The following ZNF469 variants were observed in gnomAD, a reference collection of about 807,000 sequenced individuals.
ZNF469 encodes the protein zinc finger protein 469.
Under a neutral mutation model 1.0 loss-of-function variants are expected in ZNF469, and 1 was observed. The observed-to-expected ratio is 1.00, with a 90% CI of 0.35 to 4.73. The LOEUF (loss-of-function observed/expected upper bound fraction) is 4.73. Among genes scored for constraint, ZNF469 ranks in the 30% most tolerant of loss-of-function variants. The pLI, the probability that ZNF469 is intolerant of heterozygous loss-of-function variation, is 0.16. For missense variants in ZNF469, 6,100 were observed against 5,356.3 expected, an observed-to-expected ratio of 1.14 and a Z score of -4.33; for synonymous variants, 2,703 against 2,363.4, an observed-to-expected ratio of 1.14 and a Z score of -4.17.
intron 1 of ZNF469, among the ~76,000 whole-genome samples, chr16:88,391,941 ATATGATG>A (rs1904502728): frequency 1.3e-5 from 2 of 152,352 alleles, no homozygotes; most frequent in South Asian, 4.1e-4. Context: ...TAATCTAAAG[ATATGATG>A]TATGACAACC....
At chr16:88,247,250 T>TGAGTGAATGAGC in the ZNF469 span, among the ~76,000 whole-genome samples, 1 of 145,556 alleles carries the variant, frequency 6.9e-6, no homozygotes. Flanking sequence ...GGTGAATGAG[T>TGAGTGAATGAGC]GAAGGAACAA....
Position 88,427,564 on chromosome 16 carries a change from C to T in ZNF469, c.94C>T (p.Gln32Ter). 6.5e-7 allele frequency: 1 copy of T among 1,536,976 alleles called. No homozygotes were observed. The highest frequency in any genetic ancestry group is 8.7e-7 in the Non-Finnish European group (1 of 1,146,356). The change falls in exon 3 of 3, where the codon CAG becomes TAG. Residue 32 changes from glutamine (Q) to a stop codon, truncating the protein, a stop_gained. Transcript: ENST00000565624. LOFTEE classifies it low-confidence loss of function (END_TRUNC). ...TGCCAGCAGCCCGGGGCACCCCTCC[C>T]AGCCGCCACTGGAGGACAACACCCC... The part of the protein sequence containing the change: ...QVASSPGHPS[Q>*]PPLEDNTPAT...
chr16:88,229,581 A>ATGCCACGCGTGTGTG, the ZNF469 span, among the ~76,000 whole-genome samples: 3 of 142,876 alleles, frequency 2.1e-5, no homozygotes, highest in Non-Finnish European at 4.6e-5. Flanking sequence ...TTGTGCGCTG[A>ATGCCACGCGTGTGTG]TGTCACGCGT....
Position 88,429,040 on chromosome 16 carries a change from G to T in ZNF469, c.1570G>T (p.Ala524Ser). 1 of 1,549,796 alleles carries T rather than the reference G, an allele frequency of 6.5e-7. No homozygotes were observed. Among genetic ancestry groups the T allele is most frequent in the Non-Finnish European group, 8.7e-7 (1 of 1,146,844 alleles). ...QGGSQGALGT[A>S]GKTPGPREKL... Reference sequence around the variant, plus strand: ...GGGCAGCCAAGGAGCCCTGGGCACTGCTGGCAAGACACCGGGACCCAGAGA... The same window carrying T: ...GGGCAGCCAAGGAGCCCTGGGCACTTCTGGCAAGACACCGGGACCCAGAGA... The change falls in exon 3 of 3, where the codon GCT becomes TCT. Residue 524 changes from alanine (A) to serine (S), a missense_variant. Transcript: ENST00000565624.
rs1054988221 is a variant in ZNF469 at position 88,430,050 on chromosome 16, C to T, written c.2580C>T (p.Ile860=). 14 of 1,550,276 alleles carry T rather than the reference C, an allele frequency of 9.0e-6. No homozygotes were observed. The highest frequency in any genetic ancestry group is 7.3e-5 in the East Asian group (3 of 40,936). The change falls in exon 3 of 3, where the codon ATC becomes ATT. Residue 860 remains isoleucine, a synonymous_variant. Transcript: ENST00000565624. ...GMEYQSDNPE[I]DSSFIDVFAD... ...AGTACCAGTCGGACAACCCGGAGATCGACAGCAGCTTCATCGACGTCTTCG... is the reference window on the plus strand; with the variant it reads ...AGTACCAGTCGGACAACCCGGAGATTGACAGCAGCTTCATCGACGTCTTCG...
At chr16:88,326,456 G>A in the ZNF469 span, among the ~76,000 whole-genome samples, 10 of 152,282 alleles carry the variant, frequency 6.6e-5, no homozygotes, top group South Asian at 2.1e-4. Context: ...GCATGAAAAT[G>A]GTCTAATACA....
intron 2 of ZNF469, among the ~76,000 whole-genome samples, chr16:88,425,327 G>A (rs1466643868): frequency 6.6e-6 from 1 of 152,200 alleles, no homozygotes; most frequent in East Asian, 1.9e-4. Flanking sequence ...CCATGGGTAG[G>A]GGGGTCTGAC....
chr16:88,235,445 G>C, the ZNF469 span, among the ~76,000 whole-genome samples: 53 of 152,352 alleles, frequency 3.5e-4, no homozygotes, highest in African/African-American at 1.2e-3. Flanking sequence ...CTGGCCCAGA[G>C]CCTCTGCCTC....
chr16:88,267,758 G>C, the ZNF469 span, among the ~76,000 whole-genome samples: 2 of 150,488 alleles, frequency 1.3e-5, no homozygotes, highest in South Asian at 2.1e-4. Context: ...CTGGGGGCAG[G>C]GGGTCAGCAG....
chr16:88,327,959 A>C, the ZNF469 span, among the ~76,000 whole-genome samples: 67 of 152,346 alleles, frequency 4.4e-4, 1 homozygote, highest in South Asian at 0.013. Context: ...TCACGGCTGC[A>C]CACCCACCTG....
chr16:88,398,688 G>A (rs951766963), intron 1 of ZNF469, among the ~76,000 whole-genome samples: 3 of 85,100 alleles, frequency 3.5e-5, no homozygotes, highest in African/African-American at 6.6e-5. Context: ...GTGAGCCACA[G>A]GTGGAAAGGG....
the ZNF469 span, among the ~76,000 whole-genome samples, chr16:88,188,285 C>T: frequency 2.9e-3 from 442 of 152,060 alleles, 3 homozygotes; most frequent in African/African-American, 0.01. Context: ...CGACTGAGCA[C>T]CCGTGTAACT....
chr16:88,421,242 C>T (rs1036734063), intron 1 of ZNF469, among the ~76,000 whole-genome samples: 2 of 152,216 alleles, frequency 1.3e-5, no homozygotes, highest in Admixed American at 6.5e-5. Flanking sequence ...CCACCCCAAC[C>T]TGCTCTTGAG....
chr16:88,360,912 A>G, the ZNF469 span, among the ~76,000 whole-genome samples: 1 of 152,036 alleles, frequency 6.6e-6, no homozygotes, highest in Admixed American at 6.6e-5. Flanking sequence ...TTTTTCATGG[A>G]CAAGGGGTGA....
chr16:88,225,074 C>G, the ZNF469 span, among the ~76,000 whole-genome samples: 1 of 152,350 alleles, frequency 6.6e-6, no homozygotes, highest in East Asian at 1.9e-4. Context: ...GGCCCCCCTG[C>G]CCCTTCCCCT....
intron 1 of ZNF469, among the ~76,000 whole-genome samples, chr16:88,395,554 T>A (rs1490805360): frequency 6.6e-6 from 1 of 152,140 alleles, no homozygotes; most frequent in Non-Finnish European, 1.5e-5. Context: ...CACTCTTGAG[T>A]ATGACATACT....
chr16:88,358,259 T>C, the ZNF469 span, among the ~76,000 whole-genome samples: 1 of 152,208 alleles, frequency 6.6e-6, no homozygotes, highest in East Asian at 1.9e-4. Context: ...GGCTCGGACC[T>C]CAGACCCCCA....
chr16:88,262,031 C>G, the ZNF469 span, among the ~76,000 whole-genome samples: 1 of 152,220 alleles, frequency 6.6e-6, no homozygotes. The surrounding 1 kb of genome is among the most constrained non-coding windows in gnomAD (Gnocchi z 4.3). Context: ...TCATCCCAAA[C>G]CAACTTCCTG....
chr16:88,316,749 G>A, the ZNF469 span, among the ~76,000 whole-genome samples: 17 of 151,948 alleles, frequency 1.1e-4, no homozygotes, highest in South Asian at 2.5e-3. Flanking sequence ...GTTTCACCAC[G>A]TTGGCCAGGC....
Sources: allele counts gnomAD v4.1 joint callset (sites outside exome capture counted in the v4.1 genomes callset), GRCh38; gene constraint gnomAD v4.1.1; non-coding constraint Gnocchi (gnomAD v3.1); transcripts MANE v1.5; gene names NCBI Gene and HGNC (gene_info 2026-07-23, HGNC 2026-07-21).